SND1: variants seen among roughly 807,000 people sequenced by gnomAD.
SND1 encodes the protein staphylococcal nuclease and tudor domain containing 1, also known as staphylococcal nuclease domain-containing protein 1.
Under a neutral mutation model 121.7 loss-of-function variants are expected in SND1, and 38 were observed. The observed-to-expected ratio is 0.31, with a 90% confidence interval of 0.24 to 0.41. The LOEUF (loss-of-function observed/expected upper bound fraction) is 0.41, where lower values mean the gene tolerates loss of function less well. Ranked by LOEUF, SND1 falls within the 10% of genes least tolerant of loss-of-function variation. The pLI is 1.00. For missense variants in SND1, 868 were observed against 1,184.6 expected (o/e 0.73, Z 3.92); for synonymous variants, 401 against 447.4 (o/e 0.90, Z 1.31).
chr7:127,816,694 C>T (rs962473221), intron 11 of SND1, among the ~76,000 whole-genome samples: 3 of 141,896 alleles, frequency 2.1e-5, no homozygotes, highest in African/African-American at 2.7e-5. Flanking sequence ...AACAGTGTCT[C>T]GCTCTGTCAC....
intron 16 of SND1, among the ~76,000 whole-genome samples, chr7:127,991,818 T>G: frequency 6.6e-6 from 1 of 152,158 alleles, no homozygotes; most frequent in East Asian, 1.9e-4. Context: ...TCGTAGATCT[T>G]TGAGAGCAGA....
intron 16 of SND1, among the ~76,000 whole-genome samples, chr7:128,055,123 G>A (rs1793114703): frequency 6.6e-6 from 1 of 152,172 alleles, no homozygotes; most frequent in Non-Finnish European, 1.5e-5. Context: ...TTTTGTTTCA[G>A]TTGGGAAAGC....
At chr7:128,053,011 TA>T (rs1466413598) in intron 16 of SND1, among the ~76,000 whole-genome samples, 4 of 152,176 alleles carry the variant, frequency 2.6e-5, no homozygotes, top group Admixed American at 6.5e-5. Flanking sequence ...ATGCATTGAA[TA>T]AAAAAATTTG....
At position 128,029,115 on chromosome 7, in the gene SND1, G is replaced by A. The variant is rs1183012299; in HGVS notation, c.1779+38059G>A. On this transcript the variant is annotated intron_variant, in intron 16 of 23. Transcript: ENST00000354725. The surrounding 1 kb of genome is among the most constrained non-coding windows in gnomAD (Gnocchi z 4.2). Reference sequence around the variant, plus strand: ...GGTCTGCATCTTGTCAGTGGTGTCTGTCGCGGGTACTGCCACCTGCTTGGG... The same window carrying A: ...GGTCTGCATCTTGTCAGTGGTGTCTATCGCGGGTACTGCCACCTGCTTGGG... The A allele has an allele frequency of 6.2e-7, 1 of 1,614,170 alleles. No homozygotes were observed.
At chr7:127,861,996 A>C (rs1399349678) in intron 12 of SND1, among the ~76,000 whole-genome samples, 1 of 152,224 alleles carries the variant, frequency 6.6e-6, no homozygotes, top group Non-Finnish European at 1.5e-5. Flanking sequence ...TAGCAATAAG[A>C]CATTAGTATT....
intron 15 of SND1, among the ~76,000 whole-genome samples, chr7:127,939,200 G>C (rs1191466400): frequency 2.0e-5 from 3 of 152,184 alleles, no homozygotes; most frequent in Non-Finnish European, 4.4e-5. Context: ...TTGCATTCCT[G>C]GTGGTACGGT....
intron 16 of SND1, among the ~76,000 whole-genome samples, chr7:128,007,069 TATG>T: frequency 6.6e-6 from 1 of 152,334 alleles, no homozygotes; most frequent in African/African-American, 2.4e-5. Flanking sequence ...AGCTCTGCAG[TATG>T]CGGATGCCAG....
chr7:127,963,795 T>C (rs900703788), intron 15 of SND1, among the ~76,000 whole-genome samples: 7 of 73,628 alleles, frequency 9.5e-5, no homozygotes, highest in African/African-American at 4.3e-4. Flanking sequence ...GGTCAAATGG[T>C]ATTTCTAGTT....
At chr7:127,890,594 G>A (rs901900454) in intron 13 of SND1, among the ~76,000 whole-genome samples, 12 of 152,120 alleles carry the variant, frequency 7.9e-5, no homozygotes, top group African/African-American at 2.9e-4. Flanking sequence ...TGCCACCAGT[G>A]AATATGTTAA....
intron 12 of SND1, among the ~76,000 whole-genome samples, chr7:127,886,615 G>A (rs1018541835): frequency 6.6e-6 from 1 of 151,994 alleles, no homozygotes; most frequent in Non-Finnish European, 1.5e-5. Flanking sequence ...ATAATATCAT[G>A]CTTCTTGTTT....
At chr7:128,060,914 C>T (rs944921801) in intron 16 of SND1, among the ~76,000 whole-genome samples, 1 of 152,234 alleles carries the variant, frequency 6.6e-6, no homozygotes, top group African/African-American at 2.4e-5. Context: ...CATTTCCTCT[C>T]TCCATTTCAG....
At chr7:127,937,682 C>A (rs748524006) in intron 15 of SND1, among the ~76,000 whole-genome samples, 2 of 152,218 alleles carry the variant, frequency 1.3e-5, no homozygotes, top group Non-Finnish European at 2.9e-5. Flanking sequence ...CCTTTAAGAT[C>A]TCTTCTCTAG....
chr7:128,054,065 G>C (rs1757094855), intron 16 of SND1, among the ~76,000 whole-genome samples: 1 of 152,258 alleles, frequency 6.6e-6, no homozygotes, highest in Admixed American at 6.5e-5. Context: ...TAAGGCCACT[G>C]TCAGTAAGTC....
intron 20 of SND1, 116 bp from the exon 21 acceptor site, chr7:128,086,822 A>T: frequency 1.2e-6 from 1 of 824,234 alleles, no homozygotes; most frequent in Non-Finnish European, 2.1e-6. Context: ...AAGTCATGGG[A>T]TGAACAGGGT....
At position 127,717,757 on chromosome 7, in the gene SND1, G is replaced by A. The variant is rs577500110; in HGVS notation, c.1039-3530G>A. Among the ~76,000 whole-genome samples, 33 of 152,318 alleles carry A rather than the reference G, an allele frequency of 2.2e-4. No homozygotes were observed. The South Asian group carries it at 6.8e-3, about 32-fold the overall frequency. On this transcript the variant is annotated intron_variant, in intron 9 of 23. Transcript: ENST00000354725. ...CTGAGAATCCTTTTGTTTCTATCTG[G>A]TACTGGAAATTTTGGCAGCATTGGG...
intron 16 of SND1, among the ~76,000 whole-genome samples, chr7:128,032,912 G>T (rs1157701003): frequency 1.3e-5 from 2 of 152,238 alleles, no homozygotes; most frequent in Non-Finnish European, 2.9e-5. Flanking sequence ...ATGAGCTGGG[G>T]AATGGCAACC....
At chr7:127,670,308 T>A (rs112207645) in intron 1 of SND1, among the ~76,000 whole-genome samples, 102 of 143,070 alleles carry the variant, frequency 7.1e-4, no homozygotes, top group African/African-American at 2.7e-3. Context: ...TTTTTTTTTT[T>A]AAGATGCCTG....
intron 14 of SND1, among the ~76,000 whole-genome samples, chr7:127,906,453 TC>T (rs1800342556): frequency 6.6e-6 from 1 of 152,218 alleles, no homozygotes; most frequent in Non-Finnish European, 1.5e-5. Context: ...TTAATATTTG[TC>T]TTTTGGTAAA....
At chr7:127,711,739 G>GT (rs1488505603) in intron 9 of SND1, among the ~76,000 whole-genome samples, 3 of 151,602 alleles carry the variant, frequency 2.0e-5, no homozygotes, top group African/African-American at 4.8e-5. Flanking sequence ...TCATCTTCCA[G>GT]TTTTTTTCTC....
Sources: gnomAD v4.1 joint callset for allele counts (sites outside exome capture counted in the v4.1 genomes callset) on GRCh38, gnomAD v4.1.1 for gene constraint, Gnocchi (gnomAD v3.1) non-coding constraint, MANE v1.5 for transcripts, NCBI Gene and HGNC (gene_info 2026-07-23, HGNC 2026-07-21) for gene names.